DPH6: variants seen among roughly 807,000 people sequenced by gnomAD.
The protein encoded by DPH6 is diphthamine biosynthesis 6, also known as diphthine--ammonia ligase.
Under a neutral mutation model 38.2 loss-of-function variants are expected in DPH6, and 33 were observed. The observed-to-expected ratio is 0.86, with a 90% CI of 0.65 to 1.15. The LOEUF (loss-of-function observed/expected upper bound fraction) is 1.15. Ranked by LOEUF, DPH6 falls within the 50% of genes most tolerant of loss-of-function variation. The pLI is 0.00. For synonymous variants in DPH6, 108 were observed against 103.0 expected (o/e 1.05, Z -0.30); for missense variants, 325 against 320.0 (o/e 1.02, Z -0.12).
At chr15:35,255,279 G>A (rs1341440541) in intron 3 of DPH6, among the ~76,000 whole-genome samples, 3 of 152,102 alleles carry the variant, frequency 2.0e-5, no homozygotes, top group East Asian at 1.9e-4. Flanking sequence ...TCCTGCACTG[G>A]AGCCTTCTTA....
chr15:35,505,663 A>G (rs1257578699), intron 3 of DPH6, among the ~76,000 whole-genome samples: 1 of 152,086 alleles, frequency 6.6e-6, no homozygotes, highest in African/African-American at 2.4e-5. Context: ...GGTTGAAAAT[A>G]ATTCAACTTT....
chr15:35,495,174 T>G (rs1232289774), intron 3 of DPH6, among the ~76,000 whole-genome samples: 1 of 152,188 alleles, frequency 6.6e-6, no homozygotes, highest in African/African-American at 2.4e-5. Context: ...GGTGACTGTA[T>G]TTGGAGATAA....
intron 5 of DPH6, among the ~76,000 whole-genome samples, chr15:35,427,961 C>T (rs2053589638): frequency 6.6e-6 from 1 of 151,950 alleles, no homozygotes; most frequent in Non-Finnish European, 1.5e-5. Context: ...AGGAATTTCA[C>T]TGCAGACAAG....
At chr15:35,420,966 A>C (rs1296858784) in intron 5 of DPH6, among the ~76,000 whole-genome samples, 1 of 152,184 alleles carries the variant, frequency 6.6e-6, no homozygotes, top group African/African-American at 2.4e-5. Context: ...ATAAGACACT[A>C]CTTATAAACA....
At chr15:35,246,641 AGG>A (rs2051639584) in intron 3 of DPH6, among the ~76,000 whole-genome samples, 1 of 152,200 alleles carries the variant, frequency 6.6e-6, no homozygotes, top group African/African-American at 2.4e-5. Flanking sequence ...TTGAACATTA[AGG>A]GGGTAAATTT....
intron 3 of DPH6, among the ~76,000 whole-genome samples, chr15:35,486,750 C>T (rs2141162784): frequency 6.6e-6 from 1 of 152,198 alleles, no homozygotes; most frequent in South Asian, 2.1e-4. Flanking sequence ...CCAACAGTTC[C>T]CCAAAGTCTT....
chr15:35,288,967 T>C (rs1435094122), intron 3 of DPH6, among the ~76,000 whole-genome samples: 1 of 152,168 alleles, frequency 6.6e-6, no homozygotes, highest in Non-Finnish European at 1.5e-5. Flanking sequence ...CAAAAAAAGA[T>C]AGTTCTAAAG....
rs926878518 is a variant in DPH6 at position 35,490,008 on chromosome 15, T to C, written c.313-35188A>G. 1.2e-5 allele frequency: 12 copies of C among 985,306 alleles called. No individual in the cohort carries two copies. In the African/African-American group the frequency reaches 1.7e-4, roughly 14 times the overall value. 61.0% of individuals were successfully genotyped at this position (985,306 alleles called of 1,614,324 possible). A position where few individuals can be genotyped will look rare whatever the true frequency, so the allele number is the denominator to read the frequency against. On this transcript the variant is annotated intron_variant, in intron 3 of 8. Transcript: ENST00000256538. Reference sequence around the variant, plus strand: ...TAAGCCCAGAAGAAAACCCTTTATGTAGAAGAGGCACCCAAATGTAAAGAA... The same window carrying C: ...TAAGCCCAGAAGAAAACCCTTTATGCAGAAGAGGCACCCAAATGTAAAGAA...
Position 35,471,972 on chromosome 15 carries a change from T to TTTATTTTAA in DPH6, c.313-17161_313-17153dup, listed in dbSNP as rs370052304. Reference sequence around the variant, plus strand: ...CTACAATAAATGTAAAGCATGACCATTTATTTTAATTTATCATTTTGTGAA... The same window carrying TTTATTTTAA: ...CTACAATAAATGTAAAGCATGACCATTTATTTTAATTATTTTAATTTATCATTTTGTGAA... On this transcript the variant is annotated intron_variant, in intron 3 of 8. Coordinates refer to ENST00000256538, the MANE Select transcript of DPH6 (RefSeq NM_080650.4). 3.9e-3 allele frequency among the ~76,000 whole-genome samples: 587 copies of TTTATTTTAA among 152,306 alleles called. 10 individuals carry two copies. Among genetic ancestry groups the TTTATTTTAA allele is most frequent in the African/African-American group, 0.014 (565 of 41,550 alleles).
chr15:35,474,005 A>C (rs896217754), intron 3 of DPH6, among the ~76,000 whole-genome samples: 3 of 151,920 alleles, frequency 2.0e-5, no homozygotes, highest in Admixed American at 6.6e-5. Context: ...TTCTAGAAGG[A>C]TACATAAGAA....
At chr15:35,290,798 TTG>T (rs1416489290) in intron 3 of DPH6, among the ~76,000 whole-genome samples, 1 of 152,158 alleles carries the variant, frequency 6.6e-6, no homozygotes, top group Non-Finnish European at 1.5e-5. Context: ...CACTTTTGGT[TTG>T]TGTGATACTT....
the DPH6 span, among the ~76,000 whole-genome samples, chr15:35,181,643 T>C: frequency 6.6e-6 from 1 of 152,144 alleles, no homozygotes; most frequent in Non-Finnish European, 1.5e-5. Flanking sequence ...GTGTACTTAA[T>C]ACATAAACAA....
chr15:35,403,078 G>C (rs2053243310), intron 6 of DPH6, among the ~76,000 whole-genome samples: 1 of 152,028 alleles, frequency 6.6e-6, no homozygotes, highest in African/African-American at 2.4e-5. Flanking sequence ...TGTATGTATA[G>C]TTGAATCCCA....
intron 6 of DPH6, among the ~76,000 whole-genome samples, chr15:35,397,742 T>C (rs2053156301): frequency 6.6e-6 from 1 of 152,076 alleles, no homozygotes; most frequent in South Asian, 2.1e-4. Flanking sequence ...GCTTCTCTTC[T>C]ACCCTGGCAG....
At chr15:35,341,659 A>G (rs2052422497) in intron 3 of DPH6, among the ~76,000 whole-genome samples, 1 of 152,034 alleles carries the variant, frequency 6.6e-6, no homozygotes, top group South Asian at 2.1e-4. Flanking sequence ...TCCAGACTCT[A>G]GTTGCCTCAT....
chr15:35,367,931 T>C (rs990610255), downstream of DPH6, among the ~76,000 whole-genome samples: 1 of 151,764 alleles, frequency 6.6e-6, no homozygotes, highest in East Asian at 1.9e-4. Context: ...AGATTCTTTA[T>C]GAATAAAAAA....
chr15:35,445,438 C>T (rs186076898), intron 5 of DPH6, among the ~76,000 whole-genome samples: 3 of 149,738 alleles, frequency 2.0e-5, no homozygotes, highest in Non-Finnish European at 1.5e-5. Context: ...AAATAGTTGA[C>T]CCTTGAACAT....
At chr15:35,208,516 C>T in the DPH6 span, among the ~76,000 whole-genome samples, 1 of 152,142 alleles carries the variant, frequency 6.6e-6, no homozygotes, top group African/African-American at 2.4e-5. Flanking sequence ...TCAGGAAAAC[C>T]AGGGTACTAA....
intron 5 of DPH6, among the ~76,000 whole-genome samples, chr15:35,442,324 G>A (rs2053799148): frequency 6.6e-6 from 1 of 152,170 alleles, no homozygotes; most frequent in Non-Finnish European, 1.5e-5. Flanking sequence ...AAACCACAAT[G>A]AGATAAGACT....
Sources: allele counts gnomAD v4.1 joint callset (sites outside exome capture counted in the v4.1 genomes callset), GRCh38; gene constraint gnomAD v4.1.1; transcripts MANE v1.5; gene names NCBI Gene and HGNC (gene_info 2026-07-23, HGNC 2026-07-21).